Variants in PDE10A observed in about 807,000 individuals in gnomAD.
PDE10A encodes cAMP and cAMP-inhibited cGMP 3',5'-cyclic phosphodiesterase 10A.
A neutral mutation model predicts 97.7 loss-of-function variants in PDE10A; 39 were observed. The ratio of observed to expected loss-of-function variants is 0.40; its 90% CI spans 0.31 to 0.52. The LOEUF (loss-of-function observed/expected upper bound fraction) is 0.52. PDE10A is among the 20% of genes least tolerant of loss of function. The pLI is 0.56. For missense variants in PDE10A, 731 were observed against 1,047.8 expected (o/e 0.70, Z 4.17); for synonymous variants, 371 against 376.8 (o/e 0.98, Z 0.18).
chr6:165,362,563 C>T (rs480275), intron 18 of PDE10A, among the ~76,000 whole-genome samples: 84,240 of 151,938 alleles, frequency 0.55, 24,433 homozygotes, highest in African/African-American at 0.73. Flanking sequence ...ACTGAATTAG[C>T]AGTCAAAGGG....
intron 1 of PDE10A, among the ~76,000 whole-genome samples, chr6:165,793,769 C>T (rs191548751): frequency 1.3e-5 from 2 of 152,308 alleles, no homozygotes; most frequent in African/African-American, 4.8e-5. Context: ...TTCTCTGATA[C>T]TCAAAATGAA....
intron 1 of PDE10A, among the ~76,000 whole-genome samples, chr6:165,618,032 A>G (rs544169516): frequency 2.6e-4 from 39 of 152,316 alleles, no homozygotes; most frequent in Non-Finnish European, 5.1e-4. Context: ...CTCCATCTCT[A>G]AAAGTTAGAA....
intron 1 of PDE10A, among the ~76,000 whole-genome samples, chr6:165,691,958 T>C (rs538988776): frequency 6.9e-4 from 105 of 152,364 alleles, no homozygotes; most frequent in Non-Finnish European, 1.2e-3. Flanking sequence ...GGATGTGCAC[T>C]GAATGAACTG....
At chr6:165,565,288 C>A (rs1784719527) in intron 1 of PDE10A, among the ~76,000 whole-genome samples, 1 of 152,094 alleles carries the variant, frequency 6.6e-6, no homozygotes, top group Non-Finnish European at 1.5e-5. Flanking sequence ...AAATCAGTAT[C>A]TTTCCTATAT....
At chr6:165,877,337 C>A (rs549188932) in intron 1 of PDE10A, among the ~76,000 whole-genome samples, 1 of 152,298 alleles carries the variant, frequency 6.6e-6, no homozygotes, top group South Asian at 2.1e-4. Flanking sequence ...ACCTTCCTAT[C>A]TCCCCAAGAG....
At chr6:165,616,757 T>C (rs970837436) in intron 1 of PDE10A, among the ~76,000 whole-genome samples, 1 of 152,220 alleles carries the variant, frequency 6.6e-6, no homozygotes, top group Non-Finnish European at 1.5e-5. Flanking sequence ...TACAGTTTCG[T>C]ACTCAAATAG....
chr6:165,642,485 A>C (rs1789183592), intron 1 of PDE10A, among the ~76,000 whole-genome samples: 1 of 152,172 alleles, frequency 6.6e-6, no homozygotes, highest in African/African-American at 2.4e-5. Flanking sequence ...TCAATTGCAG[A>C]GATTTTAGAG....
intron 1 of PDE10A, among the ~76,000 whole-genome samples, chr6:165,803,735 T>A (rs1779043007): frequency 6.6e-6 from 1 of 152,218 alleles, no homozygotes; most frequent in South Asian, 2.1e-4. Context: ...GCCATACACT[T>A]TGCCATGTTT....
At chr6:165,898,826 C>T (rs4709994) in intron 1 of PDE10A, among the ~76,000 whole-genome samples, 56,639 of 152,016 alleles carry the variant, frequency 0.37, 11,350 homozygotes, top group East Asian at 0.66. Flanking sequence ...CATCCCAGCG[C>T]ACTGCCTTCC....
At chr6:165,576,343 T>C (rs1460429244) in intron 1 of PDE10A, 6 of 776,474 alleles carry the variant, frequency 7.7e-6, no homozygotes, top group Non-Finnish European at 1.4e-5. Context: ...TATAGAGTAC[T>C]AGTTTGCTTC....
intron 1 of PDE10A, among the ~76,000 whole-genome samples, chr6:165,809,359 G>A (rs936123850): frequency 4.6e-5 from 7 of 152,178 alleles, no homozygotes; most frequent in African/African-American, 1.7e-4. Flanking sequence ...TCAGGGTCAA[G>A]TTCAAATCCC....
At chr6:165,745,248 T>C (rs747692122) in intron 1 of PDE10A, among the ~76,000 whole-genome samples, 3 of 152,198 alleles carry the variant, frequency 2.0e-5, no homozygotes, top group Non-Finnish European at 4.4e-5. Context: ...CCATCTTTAG[T>C]TATTGTTAGC....
chr6:165,565,205 T>C (rs60966176), intron 1 of PDE10A, among the ~76,000 whole-genome samples: 1 of 152,136 alleles, frequency 6.6e-6, no homozygotes, highest in East Asian at 1.9e-4. Flanking sequence ...AAAATTTTTT[T>C]AAAAATCAAC....
intron 1 of PDE10A, among the ~76,000 whole-genome samples, chr6:165,774,462 CAT>C (rs1778105445): frequency 6.8e-6 from 1 of 147,332 alleles, no homozygotes; most frequent in African/African-American, 2.5e-5. Context: ...ATAAAATAAA[CAT>C]GTATATATAA....
chr6:165,757,379 T>G (rs1299837095), intron 1 of PDE10A, among the ~76,000 whole-genome samples: 2 of 151,244 alleles, frequency 1.3e-5, no homozygotes, highest in Non-Finnish European at 3.0e-5. Flanking sequence ...TGAACACTGG[T>G]TTTTTTTTAG....
At chr6:165,375,036 C>T (rs1254779274) in intron 18 of PDE10A, among the ~76,000 whole-genome samples, 7 of 152,034 alleles carry the variant, frequency 4.6e-5, no homozygotes, top group African/African-American at 1.7e-4. Flanking sequence ...CAGACTGCTC[C>T]ACCAACTGGC....
At chr6:165,713,988 G>T (rs540880165) in intron 1 of PDE10A, among the ~76,000 whole-genome samples, 2 of 152,328 alleles carry the variant, frequency 1.3e-5, no homozygotes, top group South Asian at 2.1e-4. Context: ...CTGAGGTGTG[G>T]TTGATGCATA....
Position 165,450,319 on chromosome 6 carries a change from C to T in PDE10A, c.1067G>A (p.Ser356Asn). ...NMQGVVYELN[S>N]YIEQRLDTGG... ...TGTGTCCAACCGTTGTTCTATATAG[C>T]TGTTTAGTTCATATACAACTCCCTG... is the stretch of plus-strand genomic sequence containing the variant. The change falls in exon 4 of 22, where the codon AGC becomes AAC. Residue 356 changes from serine (S) to asparagine (N), a missense_variant. Transcript: ENST00000539869. 1.9e-6 allele frequency: 3 copies of T among 1,581,682 alleles called. No individual in the cohort carries two copies. The highest frequency in any genetic ancestry group is 2.6e-6 in the Non-Finnish European group (3 of 1,152,322).
At chr6:165,619,349 G>GTAGTC (rs1787931999) in intron 1 of PDE10A, among the ~76,000 whole-genome samples, 1 of 142,440 alleles carries the variant, frequency 7.0e-6, no homozygotes, top group Non-Finnish European at 1.5e-5. Flanking sequence ...GTAGTCTAGT[G>GTAGTC]TAGTGTAGTC....
Sources: allele counts gnomAD v4.1 joint callset (sites outside exome capture counted in the v4.1 genomes callset), GRCh38; gene constraint gnomAD v4.1.1; transcripts MANE v1.5; gene names NCBI Gene and HGNC (gene_info 2026-07-23, HGNC 2026-07-21).